Variants in THTPA observed in about 807,000 individuals in gnomAD.
THTPA encodes the protein thiamine-triphosphatase.
A neutral mutation model predicts 16.5 loss-of-function variants in THTPA; 16 were observed. The observed-to-expected ratio is 0.97, with a 90% CI of 0.66 to 1.47. THTPA has a LOEUF of 1.47. THTPA is among the 40% of genes most tolerant of loss of function. The pLI is 0.00. For missense variants in THTPA, 281 were observed against 280.9 expected, an observed-to-expected ratio of 1.00 and a Z score of 0.00; for synonymous variants, 110 against 115.5, an observed-to-expected ratio of 0.95 and a Z score of 0.30.
At chr14:23,535,887 C>G in the THTPA span, among the ~76,000 whole-genome samples, 1 of 152,200 alleles carries the variant, frequency 6.6e-6, no homozygotes, top group Non-Finnish European at 1.5e-5. This position sits in a 1 kb window ranked among gnomAD's most constrained non-coding sequence, Gnocchi z 4.5. Context: ...CCACCGCGCC[C>G]AGCCTAGAAC....
chr14:23,518,768 C>G, the THTPA span, among the ~76,000 whole-genome samples: 6 of 152,192 alleles, frequency 3.9e-5, no homozygotes, highest in Non-Finnish European at 8.8e-5. This position sits in a 1 kb window ranked among gnomAD's most constrained non-coding sequence, Gnocchi z 4.5. Context: ...ACGGCTGTTA[C>G]TCCACAGGAG....
At chr14:23,528,647 GCTCATCCTCC>G in the THTPA span, 4 of 985,260 alleles carry the variant, frequency 4.1e-6, no homozygotes, top group Non-Finnish European at 4.8e-6. Flanking sequence ...TCAGAAGCCA[GCTCATCCTCC>G]CTCAGGCTCA....
At chr14:23,550,746 C>G in the THTPA span, among the ~76,000 whole-genome samples, 1 of 151,106 alleles carries the variant, frequency 6.6e-6, no homozygotes, top group African/African-American at 2.4e-5. Context: ...CCCTCACCTA[C>G]TCAACACTTT....
At position 23,559,985 on chromosome 14, in the gene THTPA, C is replaced by A; in HGVS notation, c.*1145C>A. ...AAGAGCTGGGTGATAGGAAGGCCACCCCGAGCTGGAACTGTGTTCCCACTG... is the reference window on the plus strand; with the variant it reads ...AAGAGCTGGGTGATAGGAAGGCCACACCGAGCTGGAACTGTGTTCCCACTG... On this transcript the variant is annotated 3_prime_UTR_variant, in exon 2 of 2. Coordinates refer to ENST00000288014, the MANE Select transcript of THTPA (RefSeq NM_024328.6). The A allele has an allele frequency of 6.2e-7, 1 of 1,613,224 alleles. No individual in the cohort carries two copies. The highest frequency in any genetic ancestry group is 8.5e-7 in the Non-Finnish European group (1 of 1,179,640).
the THTPA span, chr14:23,532,557 C>T: frequency 7.0e-7 from 1 of 1,433,480 alleles, no homozygotes; most frequent in Non-Finnish European, 9.1e-7. Flanking sequence ...CCTTCCTGAC[C>T]CAGCCTCACC....
At chr14:23,557,942 T>C (rs1882666581) in intron 1 of THTPA, among the ~76,000 whole-genome samples, 1 of 152,256 alleles carries the variant, frequency 6.6e-6, no homozygotes, top group Non-Finnish European at 1.5e-5. Context: ...CCTTTTAATT[T>C]GTCCTTTTGG....
the THTPA span, chr14:23,524,940 C>A: frequency 6.5e-7 from 1 of 1,536,276 alleles, no homozygotes; most frequent in Non-Finnish European, 8.7e-7. This position sits in a 1 kb window ranked among gnomAD's most constrained non-coding sequence, Gnocchi z 5.6. Flanking sequence ...CCGGAGGCTC[C>A]CCCAGTGCCT....
At chr14:23,532,753 G>C in the THTPA span, 1 of 1,536,240 alleles carries the variant, frequency 6.5e-7, no homozygotes, top group Non-Finnish European at 8.7e-7. Context: ...CCTCCCGCAG[G>C]TGGGCTGCCA....
the THTPA span, among the ~76,000 whole-genome samples, chr14:23,549,454 C>T: frequency 6.6e-6 from 1 of 152,272 alleles, no homozygotes; most frequent in African/African-American, 2.4e-5. Context: ...CTCTCCAGAT[C>T]CTTTATCCAC....
the THTPA span, among the ~76,000 whole-genome samples, chr14:23,538,390 C>T: frequency 6.6e-6 from 1 of 152,020 alleles, no homozygotes; most frequent in African/African-American, 2.4e-5. Flanking sequence ...AAACCTTTAG[C>T]TGCAGCGATT....
At chr14:23,533,926 G>T in the THTPA span, 6 of 1,538,104 alleles carry the variant, frequency 3.9e-6, no homozygotes, top group East Asian at 9.8e-5. This position sits in a 1 kb window ranked among gnomAD's most constrained non-coding sequence, Gnocchi z 4.8. Flanking sequence ...CACATCCAGG[G>T]TCTGCTGGTA....
the THTPA span, chr14:23,531,704 C>T: frequency 4.4e-6 from 6 of 1,367,568 alleles, no homozygotes; most frequent in African/African-American, 5.9e-5. Flanking sequence ...CCTCCGCTCC[C>T]TCCATGTCCA....
At chr14:23,522,493 G>A in the THTPA span, 3 of 1,534,498 alleles carry the variant, frequency 2.0e-6, no homozygotes, top group African/African-American at 4.1e-5. Context: ...GGGCATTGGG[G>A]AGCAGCCCAA....
At position 23,558,799 on chromosome 14, in the gene THTPA, A is replaced by C. The variant is rs749387419; in HGVS notation, c.652A>C (p.Arg218=). 2 of 1,614,184 alleles carry C rather than the reference A, an allele frequency of 1.2e-6. No homozygotes were observed. Among genetic ancestry groups the C allele is most frequent in the South Asian group, 2.2e-5 (2 of 91,084 alleles). Residue 218 remains arginine, a synonymous_variant, in exon 2 of 2, where the codon AGG becomes CGG. Transcript: ENST00000288014. The part of the protein sequence containing the change: ...RLLEVNSSRE[R]PQETEDPDHC... ...GCTAGAAGTGAACAGCTCCAGAGAG[A>C]GGCCACAGGAGACTGAAGATCCTGA... is the stretch of plus-strand genomic sequence containing the variant.
At chr14:23,544,830 C>T in the THTPA span, among the ~76,000 whole-genome samples, 1 of 152,202 alleles carries the variant, frequency 6.6e-6, no homozygotes, top group East Asian at 1.9e-4. Context: ...TTCTTTCCCT[C>T]CGGCTCGCCA....
At chr14:23,521,763 T>C in the THTPA span, 2 of 900,932 alleles carry the variant, frequency 2.2e-6, no homozygotes, top group African/African-American at 1.7e-5. Context: ...TCAATGTGTG[T>C]GTCTGTGGGG....
chr14:23,557,148 G>T lies in THTPA; in HGVS notation c.391G>T (p.Val131Leu). Residue 131 changes from valine to leucine, a missense_variant, in exon 1 of 2, where the codon GTG becomes TTG. By Grantham distance (32) the Val-to-Leu change is conservative. Transcript: ENST00000288014. ...GACTAAGCGGAGTGCCTGGAAGCTG[G>T]TGCTCTTGGGAGCTGATGAAGAGGA... ...FVTKRSAWKL[V>L]LLGADEEEPQ... The T allele has an allele frequency of 6.2e-7, 1 of 1,614,164 alleles. No individual in the cohort carries two copies. The highest frequency in any genetic ancestry group is 8.5e-7 in the Non-Finnish European group (1 of 1,180,028).
the THTPA span, among the ~76,000 whole-genome samples, chr14:23,537,303 C>A: frequency 6.6e-6 from 1 of 152,050 alleles, no homozygotes; most frequent in Non-Finnish European, 1.5e-5. Context: ...CTATACTTCC[C>A]CCAAGGTCCC....
At chr14:23,553,788 G>A (rs1343229522), upstream of THTPA, among the ~76,000 whole-genome samples, 1 of 152,136 alleles carries the variant, frequency 6.6e-6, no homozygotes, top group Non-Finnish European at 1.5e-5. Flanking sequence ...CATCTACTTG[G>A]GAGGCTGAGG....
Sources: gnomAD v4.1 joint callset for allele counts (sites outside exome capture counted in the v4.1 genomes callset) on GRCh38, gnomAD v4.1.1 for gene constraint, Gnocchi (gnomAD v3.1) non-coding constraint, MANE v1.5 for transcripts, NCBI Gene and HGNC (gene_info 2026-07-23, HGNC 2026-07-21) for gene names.